TLE4: variants seen among roughly 807,000 people sequenced by gnomAD.
TLE4 encodes the protein transducin-like enhancer protein 4.
TLE4 carries 8 observed loss-of-function variants against 92.8 expected under a neutral mutation model. The ratio of observed to expected loss-of-function variants is 0.09; its 90% CI spans 0.05 to 0.16. The LOEUF (loss-of-function observed/expected upper bound fraction) is 0.16, where lower values mean the gene tolerates loss of function less well. Ranked by LOEUF, TLE4 falls within the 10% of genes least tolerant of loss-of-function variation. The pLI is 1.00. For missense variants in TLE4, 675 were observed against 997.6 expected (o/e 0.68, Z 4.36); for synonymous variants, 371 against 374.1 (o/e 0.99, Z 0.10).
intron 8 of TLE4, among the ~76,000 whole-genome samples, chr9:79,685,655 T>C (rs1187433686): frequency 6.6e-6 from 1 of 152,226 alleles, no homozygotes; most frequent in Admixed American, 6.5e-5. Context: ...TATCACAAGA[T>C]AGTCATCACA....
intron 8 of TLE4, among the ~76,000 whole-genome samples, chr9:79,703,210 GATTTTCAGAT>G (rs1177608044): frequency 1.3e-5 from 2 of 152,088 alleles, no homozygotes; most frequent in Non-Finnish European, 2.9e-5. Context: ...TTTCCATAGA[GATTTTCAGAT>G]ATTCTTTCTA....
chr9:79,644,921 A>G (rs1270965176), intron 6 of TLE4, among the ~76,000 whole-genome samples: 1 of 152,142 alleles, frequency 6.6e-6, no homozygotes, highest in African/African-American at 2.4e-5. Flanking sequence ...GGCTTGGGAG[A>G]CAGCCAGCCT....
intron 19 of TLE4, among the ~76,000 whole-genome samples, chr9:79,723,813 T>C (rs1390111805): frequency 1.3e-5 from 2 of 152,244 alleles, no homozygotes; most frequent in African/African-American, 2.4e-5. Flanking sequence ...CGCCAATTGT[T>C]GCAGTCATGA....
chr9:79,680,051 G>T (rs573865149), intron 8 of TLE4, among the ~76,000 whole-genome samples: 43 of 152,306 alleles, frequency 2.8e-4, no homozygotes, highest in Admixed American at 8.5e-4. Flanking sequence ...CAGGTAGCGT[G>T]ATGCCTCCGG....
At chr9:79,706,431 G>A (rs1047247322) in intron 10 of TLE4, among the ~76,000 whole-genome samples, 1 of 150,632 alleles carries the variant, frequency 6.6e-6, no homozygotes, top group African/African-American at 2.4e-5. Flanking sequence ...TAAGAATAAG[G>A]TGTCATTCTC....
chr9:79,594,942 G>A (rs1186544623), intron 4 of TLE4, among the ~76,000 whole-genome samples: 4 of 152,106 alleles, frequency 2.6e-5, no homozygotes, highest in African/African-American at 4.8e-5. Flanking sequence ...ATATCACTTG[G>A]CAATTGTTTT....
intron 8 of TLE4, among the ~76,000 whole-genome samples, chr9:79,655,939 G>C (rs2059716481): frequency 6.6e-6 from 1 of 152,198 alleles, no homozygotes; most frequent in African/African-American, 2.4e-5. Flanking sequence ...GCAAGAGTAA[G>C]GGTGTGTTTT....
intron 4 of TLE4, among the ~76,000 whole-genome samples, chr9:79,592,674 C>T (rs1021182670): frequency 6.6e-6 from 1 of 152,074 alleles, no homozygotes; most frequent in African/African-American, 2.4e-5. Context: ...TTAACTTTTT[C>T]GTCTGTAAAG....
chr9:79,595,704 A>G (rs1237616754), intron 4 of TLE4, among the ~76,000 whole-genome samples: 1 of 152,212 alleles, frequency 6.6e-6, no homozygotes, highest in Non-Finnish European at 1.5e-5. Context: ...AAGGCAGTTA[A>G]CACAGGTTCA....
At chr9:79,626,326 A>C (rs1411756951) in intron 5 of TLE4, among the ~76,000 whole-genome samples, 2 of 152,180 alleles carry the variant, frequency 1.3e-5, no homozygotes, top group Non-Finnish European at 1.5e-5. Context: ...ACTCATCTCA[A>C]ATAAGTGAAG....
At chr9:79,692,159 C>G (rs2067215200) in intron 8 of TLE4, among the ~76,000 whole-genome samples, 1 of 152,192 alleles carries the variant, frequency 6.6e-6, no homozygotes, top group Non-Finnish European at 1.5e-5. Flanking sequence ...GTTGAGGATG[C>G]AAACCTAGTC....
chr9:79,726,090 G>A lies in TLE4; in HGVS notation c.*946G>A, dbSNP rs1176949177. On this transcript the variant is annotated 3_prime_UTR_variant, in exon 20 of 20. Transcript: ENST00000376552. Reference sequence around the variant, plus strand: ...AGTTATGGGGAGGACTCCCACTGCTGTGCAAGTTAAGTCTTTTACAAAACA... The same window carrying A: ...AGTTATGGGGAGGACTCCCACTGCTATGCAAGTTAAGTCTTTTACAAAACA... The A allele has an allele frequency of 6.6e-6, 1 of 152,610 alleles. No individual in the cohort carries two copies. Among genetic ancestry groups the A allele is most frequent in the Admixed American group, 6.5e-5 (1 of 15,276 alleles). The allele number at this position is 152,610 out of a possible 1,614,324, so 9.5% of individuals were successfully genotyped here.
At chr9:79,694,489 A>G (rs1746214179) in intron 8 of TLE4, among the ~76,000 whole-genome samples, 1 of 152,134 alleles carries the variant, frequency 6.6e-6, no homozygotes, top group Non-Finnish European at 1.5e-5. Context: ...TTGTCATGTG[A>G]AAGCTCGAAA....
chr9:79,614,969 C>G (rs1183687326), intron 5 of TLE4, among the ~76,000 whole-genome samples: 1 of 152,110 alleles, frequency 6.6e-6, no homozygotes, highest in African/African-American at 2.4e-5. Flanking sequence ...TATATATTTT[C>G]TTTTGCTTAC....
chr9:79,653,938 T>A, intron 7 of TLE4, 121 bp from the exon 8 acceptor site: 1 of 1,151,804 alleles, frequency 8.7e-7, no homozygotes, highest in Non-Finnish European at 1.3e-6. Flanking sequence ...ATCTGTGTAA[T>A]TTATTATTTA....
intron 5 of TLE4, among the ~76,000 whole-genome samples, chr9:79,619,811 T>C (rs2050521152): frequency 1.3e-5 from 2 of 152,250 alleles, no homozygotes; most frequent in South Asian, 4.1e-4. Flanking sequence ...CCCAGTTTTC[T>C]GATTTTCACA....
intron 8 of TLE4, among the ~76,000 whole-genome samples, chr9:79,689,625 T>A (rs188800593): frequency 7.2e-5 from 11 of 152,268 alleles, no homozygotes; most frequent in Admixed American, 2.0e-4. Flanking sequence ...TATGATTGCG[T>A]TTTTTCTCTC....
intron 4 of TLE4, among the ~76,000 whole-genome samples, chr9:79,606,184 GTTGTTTTT>G (rs2046818183): frequency 1.6e-4 from 3 of 18,374 alleles, no homozygotes; most frequent in African/African-American, 4.7e-4. Flanking sequence ...AGCAGTAGTA[GTTGTTTTT>G]TTTTTTTTTT....
At chr9:79,603,859 C>T (rs2046233116) in intron 4 of TLE4, among the ~76,000 whole-genome samples, 1 of 152,080 alleles carries the variant, frequency 6.6e-6, no homozygotes, top group African/African-American at 2.4e-5. Context: ...TGCCATGGAG[C>T]CTACATTCTC....
Sources: allele counts gnomAD v4.1 joint callset (sites outside exome capture counted in the v4.1 genomes callset), GRCh38; gene constraint gnomAD v4.1.1; transcripts MANE v1.5; gene names NCBI Gene and HGNC (gene_info 2026-07-23, HGNC 2026-07-21).